Variants in CERS4 observed in about 807,000 individuals in gnomAD.
CERS4 encodes the protein ceramide synthase 4, also known as LAG1 homolog, ceramide synthase 4.
Under a neutral mutation model 51.8 loss-of-function variants are expected in CERS4, and 65 were observed. That is an observed-to-expected ratio of 1.26 (90% confidence interval 1.03 to 1.54). CERS4 has a LOEUF of 1.54. Among genes scored for constraint, CERS4 ranks in the 40% most tolerant of loss-of-function variants. The probability of loss-of-function intolerance (pLI) is 0.00; values close to 1 mark genes in which losing one functional copy is unlikely to be tolerated. For missense variants in CERS4, 563 were observed against 500.4 expected, an observed-to-expected ratio of 1.13 and a Z score of -1.19; for synonymous variants, 228 against 208.4, an observed-to-expected ratio of 1.09 and a Z score of -0.81.
chr19:8,255,948 G>A, intron 6 of CERS4, 69 bp downstream of exon 6: 2 of 1,526,552 alleles, frequency 1.3e-6, no homozygotes, highest in South Asian at 2.2e-5. Context: ...GGCAGGAGTG[G>A]GGGTGTGGAG....
chr19:8,222,591 T>C lies in CERS4; in HGVS notation c.-2+11729T>C, dbSNP rs560042613. 2.0e-5 allele frequency among the ~76,000 whole-genome samples: 3 copies of C among 151,762 alleles called. No homozygotes were observed. In the East Asian group the frequency reaches 5.8e-4, roughly 30 times the overall value. On this transcript the variant is annotated intron_variant, in intron 2 of 11. Coordinates refer to ENST00000251363, the MANE Select transcript of CERS4 (RefSeq NM_024552.3). ...TTGGCTCACGGCAACCTCCGCCTCCTGGGTTCAAGCAATTCTCCTGCTTCA... is the reference window on the plus strand; with the variant it reads ...TTGGCTCACGGCAACCTCCGCCTCCCGGGTTCAAGCAATTCTCCTGCTTCA...
chr19:8,255,455 A>G (rs1235251612), intron 4 of CERS4, 152 bp from the exon 5 acceptor site: 4 of 701,014 alleles, frequency 5.7e-6, no homozygotes, highest in African/African-American at 5.4e-5. Flanking sequence ...CCACGCTGGG[A>G]CCCCCAACAC....
chr19:8,251,389 GC>G, intron 3 of CERS4, 140 bp downstream of exon 3: 7 of 1,373,558 alleles, frequency 5.1e-6, no homozygotes, highest in Non-Finnish European at 6.6e-6. Context: ...GCTCCAGCCT[GC>G]CCCCAGCCGC....
rs375073932 is a variant in CERS4 at position 8,257,086 on chromosome 19, G to A, written c.741+9G>A. ...CTGACTACCTGCTGGAGGTGGGCCC[G>A]ACCCCTGCCTGACCCTTCCCAGCTG... On this transcript the variant is annotated intron_variant, in intron 9 of 11. Coordinates refer to ENST00000251363, the MANE Select transcript of CERS4 (RefSeq NM_024552.3). 59 of 1,584,434 alleles carry A rather than the reference G, an allele frequency of 3.7e-5. No homozygotes were observed. The Admixed American group carries it at 4.5e-4, about 12-fold the overall frequency.
intron 2 of CERS4, 82 bp from the exon 3 acceptor site, chr19:8,250,994 T>G (rs1435771535): frequency 6.7e-7 from 1 of 1,496,592 alleles, no homozygotes; most frequent in East Asian, 2.5e-5. Flanking sequence ...GTAGGAGTTC[T>G]GAGGCTCCAG....
At chr19:8,239,942 C>A (rs1968453877) in intron 2 of CERS4, among the ~76,000 whole-genome samples, 1 of 152,138 alleles carries the variant, frequency 6.6e-6, no homozygotes, top group Non-Finnish European at 1.5e-5. Flanking sequence ...AAACTTATGC[C>A]TTGGGGTGAA....
In CERS4 at chr19:8,255,629, C is replaced by T; in HGVS notation, c.314C>T (p.Ala105Val). 1 of 1,612,508 alleles carries T rather than the reference C, an allele frequency of 6.2e-7. No individual in the cohort carries two copies. The highest frequency in any genetic ancestry group is 8.5e-7 in the Non-Finnish European group (1 of 1,179,930). Residue 105 changes from alanine to valine, a missense_variant, in exon 5 of 12, where the codon GCC becomes GTC. Ala to Val is a moderately conservative substitution (Grantham distance 64). Transcript: ENST00000251363. Reference sequence around the variant, plus strand: ...CAGCCCCAGCTGTCTCTCCTGGCCGCCCAGTGTGGCCTCACGCTGCAGCAG... The same window carrying T: ...CAGCCCCAGCTGTCTCTCCTGGCCGTCCAGTGTGGCCTCACGCTGCAGCAG... ...PKEPQLSLLA[A>V]QCGLTLQQTQ...
chr19:8,253,596 C>G (rs1969207855), intron 3 of CERS4, among the ~76,000 whole-genome samples: 1 of 151,806 alleles, frequency 6.6e-6, no homozygotes, highest in South Asian at 2.1e-4. Context: ...TCCCAAATAG[C>G]TGGGGCTACA....
At chr19:8,245,580 C>T (rs764172274) in intron 2 of CERS4, among the ~76,000 whole-genome samples, 18 of 151,770 alleles carry the variant, frequency 1.2e-4, no homozygotes, top group African/African-American at 1.9e-4. Context: ...CGCTCTCTCA[C>T]CCAGGCTGGA....
chr19:8,225,380 A>G (rs904389238), intron 2 of CERS4, among the ~76,000 whole-genome samples: 2 of 151,674 alleles, frequency 1.3e-5, no homozygotes, highest in Admixed American at 1.3e-4. Context: ...TGGACAGTGA[A>G]TAGAAGCAGG....
intron 2 of CERS4, among the ~76,000 whole-genome samples, chr19:8,249,119 A>G (rs112257726): frequency 0.045 from 5,982 of 132,262 alleles, 151 homozygotes; most frequent in African/African-American, 0.061. Flanking sequence ...GATGATGGGT[A>G]GATGGATGAT....
Position 8,255,732 on chromosome 19 carries a change from C to A in CERS4, c.410+7C>A. 1 of 1,612,690 alleles carries A rather than the reference C, an allele frequency of 6.2e-7. No individual in the cohort carries two copies. Among genetic ancestry groups the A allele is most frequent in the Non-Finnish European group, 8.5e-7 (1 of 1,179,552 alleles). On this transcript the variant is annotated splice_region_variant and intron_variant, in intron 5 of 11. Coordinates refer to ENST00000251363, the MANE Select transcript of CERS4 (RefSeq NM_024552.3). The stretch of plus-strand genomic sequence containing the variant: ...AGAAGTTCTGTGAGGCCAGGTAAGC[C>A]CAGGATGGGGCTTCTGGGGTGCAGG...
intron 3 of CERS4, among the ~76,000 whole-genome samples, chr19:8,254,093 T>C (rs1599584474): frequency 6.6e-6 from 1 of 151,664 alleles, no homozygotes; most frequent in South Asian, 2.1e-4. Flanking sequence ...GAGGCCGAGG[T>C]GGGCAGATCA....
rs539430718 is a variant in CERS4 at position 8,231,571 on chromosome 19, T to C, written c.-1-19505T>C. On this transcript the variant is annotated intron_variant, in intron 2 of 11. Coordinates refer to ENST00000251363, the MANE Select transcript of CERS4 (RefSeq NM_024552.3). ...TTTCTTTTCTTTTTCTTTTTTGAGA[T>C]GGAGTCTTGCTCTGTCGCCCAGGCT... Among the ~76,000 whole-genome samples the C allele has an allele frequency of 2.3e-3, 350 of 152,046 alleles. 2 individuals carry two copies. The highest frequency in any genetic ancestry group is 8.0e-3 in the African/African-American group (331 of 41,488).
chr19:8,217,694 G>A (rs1322656097), intron 2 of CERS4, among the ~76,000 whole-genome samples: 2 of 151,272 alleles, frequency 1.3e-5, no homozygotes, highest in African/African-American at 2.4e-5. Flanking sequence ...CCACCACCAC[G>A]CCTGGCTATT....
rs913886980 is a variant in CERS4, at chr19:8,258,389, C to T, written c.848+404C>T. ...GCAGCCACGTGAACTGCACAGCATGCGAAGGAGAGATTTACTAACAAGAAA... is the reference window on the plus strand; with the variant it reads ...GCAGCCACGTGAACTGCACAGCATGTGAAGGAGAGATTTACTAACAAGAAA... On this transcript the variant is annotated intron_variant, in intron 10 of 11. Transcript: ENST00000251363. 4.6e-5 allele frequency among the ~76,000 whole-genome samples: 7 copies of T among 152,204 alleles called. No individual in the cohort carries two copies. The South Asian group carries it at 1.5e-3, about 32-fold the overall frequency.
intron 2 of CERS4, among the ~76,000 whole-genome samples, chr19:8,217,899 C>G (rs1967371561): frequency 6.6e-6 from 1 of 152,156 alleles, no homozygotes; most frequent in Admixed American, 6.6e-5. Flanking sequence ...TCTCGAACTC[C>G]TGATCTCAAG....
At chr19:8,257,178 G>C (rs891963581) in intron 9 of CERS4, 101 bp downstream of exon 9, 7 of 1,270,512 alleles carry the variant, frequency 5.5e-6, no homozygotes, top group East Asian at 2.5e-5. Context: ...CTGGGAGATG[G>C]AGCCCCACCC....
At chr19:8,238,532 G>A (rs1968374291) in intron 2 of CERS4, 2 of 985,350 alleles carry the variant, frequency 2.0e-6, no homozygotes, top group South Asian at 4.7e-5. Context: ...GAATAGAACT[G>A]CAGAAGAGAC....
Sources: allele counts gnomAD v4.1 joint callset (sites outside exome capture counted in the v4.1 genomes callset), GRCh38; gene constraint gnomAD v4.1.1; transcripts MANE v1.5; gene names NCBI Gene and HGNC (gene_info 2026-07-23, HGNC 2026-07-21).